Variants in AARS1 observed in about 807,000 individuals in gnomAD.
AARS1 encodes the protein alanine--tRNA ligase, cytoplasmic.
AARS1 carries 72 observed loss-of-function variants against 108.9 expected under a neutral mutation model. The ratio of observed to expected loss-of-function variants is 0.66; its 90% CI spans 0.55 to 0.80. The LOEUF is 0.80. Among genes scored for constraint, AARS1 ranks in the 30% least tolerant of loss-of-function variants. The probability of loss-of-function intolerance (pLI) is 0.00; values close to 1 mark genes in which losing one functional copy is unlikely to be tolerated. For missense variants in AARS1, 1,193 were observed against 1,233.2 expected, an observed-to-expected ratio of 0.97 and a Z score of 0.49; for synonymous variants, 489 against 465.7, an observed-to-expected ratio of 1.05 and a Z score of -0.64.
In AARS1 at chr16:70,255,230, C is replaced by T. The variant is rs1197694981; in HGVS notation, c.2287-496G>A. On this transcript the variant is annotated intron_variant, in intron 16 of 20. Coordinates refer to ENST00000261772, the MANE Select transcript of AARS1 (RefSeq NM_001605.3). ...TTTTTTTTTTTTGGAGACGGAGTCT[C>T]GCCCCGTCACCCAAGCTGGAACGCA... Among the ~76,000 whole-genome samples the T allele has an allele frequency of 7.8e-5, 10 of 127,860 alleles. No homozygotes were observed. In the East Asian group the frequency reaches 2.2e-3, roughly 28 times the overall value. The allele number at this position is 127,860 out of a possible 152,430, so 83.9% of individuals were successfully genotyped here.
intron 1 of AARS1, among the ~76,000 whole-genome samples, chr16:70,286,073 G>A (rs1597450835): frequency 6.6e-6 from 1 of 152,286 alleles, no homozygotes; most frequent in East Asian, 1.9e-4. Context: ...GCAGTATTGT[G>A]TAAAAGGACT....
At chr16:70,270,159 C>T (rs781363265) in intron 6 of AARS1, 37 bp downstream of exon 6, 19 of 1,612,834 alleles carry the variant, frequency 1.2e-5, no homozygotes, top group East Asian at 2.2e-5. Flanking sequence ...CTGGAAAACT[C>T]CACAGAAGTT....
chr16:70,267,274 A>G (rs556500182), intron 9 of AARS1, among the ~76,000 whole-genome samples: 1 of 152,312 alleles, frequency 6.6e-6, no homozygotes, highest in East Asian at 1.9e-4. Flanking sequence ...CCAAATTGCA[A>G]AACAGTACAT....
chr16:70,273,602 C>T (rs1249206120), intron 4 of AARS1, among the ~76,000 whole-genome samples: 1 of 152,030 alleles, frequency 6.6e-6, no homozygotes, highest in Non-Finnish European at 1.5e-5. Flanking sequence ...GTGGCTCACG[C>T]CTGTAATCCC....
At chr16:70,287,756 C>T (rs1227100628) in intron 1 of AARS1, among the ~76,000 whole-genome samples, 2 of 152,006 alleles carry the variant, frequency 1.3e-5, no homozygotes, top group East Asian at 3.9e-4. Context: ...CAACAACAAA[C>T]GTAAAGACAC....
intron 11 of AARS1, among the ~76,000 whole-genome samples, chr16:70,264,555 G>A (rs1960219586): frequency 6.6e-6 from 1 of 151,996 alleles, no homozygotes. Context: ...GACCTTAGGT[G>A]ATCCACCTGC....
Position 70,276,606 on chromosome 16 carries a change from TCC to T in AARS1, c.357_358del (p.Glu120ThrfsTer11). 1 of 1,614,060 alleles carries T rather than the reference TCC, an allele frequency of 6.2e-7. No homozygotes were observed. The highest frequency in any genetic ancestry group is 8.5e-7 in the Non-Finnish European group (1 of 1,180,022). ...AATGCCAAACTCTTGGGTGAGGAGTTCCAGAGCCATCTTACATGCCAATTCCT... is the reference window on the plus strand; with the variant it reads ...AATGCCAAACTCTTGGGTGAGGAGTTAGAGCCATCTTACATGCCAATTCCT... On this transcript the variant is annotated frameshift_variant, in exon 4 of 21. Coordinates refer to ENST00000261772, the MANE Select transcript of AARS1 (RefSeq NM_001605.3). LOFTEE classifies it high-confidence loss of function.
chr16:70,256,638 A>G (rs564434748), intron 15 of AARS1, among the ~76,000 whole-genome samples: 1 of 152,242 alleles, frequency 6.6e-6, no homozygotes, highest in East Asian at 1.9e-4. Flanking sequence ...CCTGTAGTCT[A>G]AAGGGTATGA....
chr16:70,275,127 GC>G (rs1373761021), intron 4 of AARS1, among the ~76,000 whole-genome samples: 2 of 150,554 alleles, frequency 1.3e-5, no homozygotes, highest in African/African-American at 5.0e-5. Flanking sequence ...AGGTGTGGTG[GC>G]GCGCACCTGT....
In AARS1 at chr16:70,254,147, G is replaced by T. The variant is rs1311450175; in HGVS notation, c.2401-109C>A. 7 of 1,449,676 alleles carry T rather than the reference G, an allele frequency of 4.8e-6. No individual in the cohort carries two copies. The East Asian group carries it at 1.6e-4, about 33-fold the overall frequency. The allele number at this position is 1,449,676 out of a possible 1,614,324, so 89.8% of individuals were successfully genotyped here. On this transcript the variant is annotated intron_variant, in intron 17 of 20. Coordinates refer to ENST00000261772, the MANE Select transcript of AARS1 (RefSeq NM_001605.3). ...CCTCCCTGACTAGTGTCCTGGAAAG[G>T]AAAGCAAGGAAAGCTTTGAGACCAG...
Position 70,255,844 on chromosome 16 carries a change from G to T in AARS1, c.2178-8C>A. ...CTCGAGTTCCGCAGGTGCCTGAATG[G>T]CAGAACACAAAGTCCATAGTGAAAG... is the stretch of plus-strand genomic sequence containing the variant. On this transcript the variant is annotated splice_polypyrimidine_tract_variant and splice_region_variant and intron_variant, in intron 15 of 20. Coordinates refer to ENST00000261772, the MANE Select transcript of AARS1 (RefSeq NM_001605.3). 1 of 1,610,892 alleles carries T rather than the reference G, an allele frequency of 6.2e-7. No individual in the cohort carries two copies. The highest frequency in any genetic ancestry group is 8.5e-7 in the Non-Finnish European group (1 of 1,178,492).
intron 1 of AARS1, among the ~76,000 whole-genome samples, chr16:70,287,124 G>C (rs775200): frequency 1.3e-5 from 2 of 151,476 alleles, no homozygotes; most frequent in African/African-American, 2.4e-5. Context: ...GGTAGCGGGC[G>C]CCTGTAGTCC....
At position 70,253,776 on chromosome 16, in the gene AARS1, T is replaced by C. The variant is rs1444813425; in HGVS notation, c.2545A>G (p.Ile849Val). The change falls in exon 19 of 21, where the codon ATC (isoleucine) becomes GTC (valine). Residue 849 changes from isoleucine (I) to valine (V), a missense_variant. Ile to Val is a conservative substitution (Grantham distance 29, BLOSUM62 3). Coordinates refer to ENST00000261772, the MANE Select transcript of AARS1 (RefSeq NM_001605.3). ...AGAGGCTGGTTGGGGTTGCTGTCGA[T>C]GAACTGCTTCGTCTTCTCTAACACC... is the stretch of plus-strand genomic sequence containing the variant. ...KRVLEKTKQF[I>V]DSNPNQPLVI... is the part of the protein sequence containing the mutation. 6.2e-7 allele frequency: 1 copy of C among 1,614,072 alleles called. No homozygotes were observed. Among genetic ancestry groups the C allele is most frequent in the African/African-American group, 1.3e-5 (1 of 74,938 alleles).
intron 11 of AARS1, among the ~76,000 whole-genome samples, chr16:70,263,585 G>T (rs1457474744): frequency 6.6e-6 from 1 of 150,676 alleles, no homozygotes; most frequent in African/African-American, 2.4e-5. Flanking sequence ...AAAAAAAAAA[G>T]ATTGTTCTCT....
At chr16:70,283,194 C>G (rs1276635541) in intron 1 of AARS1, among the ~76,000 whole-genome samples, 1 of 152,036 alleles carries the variant, frequency 6.6e-6, no homozygotes, top group African/African-American at 2.4e-5. Context: ...GTCAGGAGTT[C>G]AAGACCAGCC....
intron 1 of AARS1, among the ~76,000 whole-genome samples, chr16:70,288,644 GC>G (rs1960935914): frequency 6.9e-6 from 1 of 145,408 alleles, no homozygotes; most frequent in Non-Finnish European, 1.5e-5. Context: ...TCAGCTCACT[GC>G]AACCTCCGCC....
rs200578293 is a variant in AARS1, at chr16:70,262,472, G to T, written c.1545C>A (p.Phe515Leu). ...TVMALRREKMFVEEVSTGQEC... is the reference protein window; with the variant it reads ...TVMALRREKMLVEEVSTGQEC... ...CCTGGCCTGTGGACACCTCTTCCAC[G>T]AACATCTTCTCCCTGCGCAGAGCCA... is the stretch of plus-strand genomic sequence containing the variant. Residue 515 changes from phenylalanine (F) to leucine (L), a missense_variant, in exon 12 of 21, where the codon TTC (phenylalanine) becomes TTA (leucine). By Grantham distance (22) the Phe-to-Leu change is conservative (BLOSUM62 0). Transcript: ENST00000261772. 2.6e-5 allele frequency: 42 copies of T among 1,614,016 alleles called. No homozygotes were observed. Among genetic ancestry groups the T allele is most frequent in the Non-Finnish European group, 3.5e-5 (41 of 1,180,036 alleles).
At position 70,265,675 on chromosome 16, in the gene AARS1, A is replaced by G. The variant is rs1960244603; in HGVS notation, c.1223-13T>C. On this transcript the variant is annotated splice_polypyrimidine_tract_variant and intron_variant, in intron 9 of 20. Transcript: ENST00000261772. ...CAAGCAGTGTCTCCTACACAGCACA[A>G]AGGAGGTGTGTCAAAAAAAACAGAC... is the stretch of plus-strand genomic sequence containing the variant. 6.2e-7 allele frequency: 1 copy of G among 1,612,408 alleles called. No individual in the cohort carries two copies. Among genetic ancestry groups the G allele is most frequent in the Non-Finnish European group, 8.5e-7 (1 of 1,179,112 alleles).
At chr16:70,257,465 A>T (rs1960019348) in intron 15 of AARS1, among the ~76,000 whole-genome samples, 1 of 152,164 alleles carries the variant, frequency 6.6e-6, no homozygotes, top group African/African-American at 2.4e-5. Flanking sequence ...CTTCATTTGG[A>T]AGCAGAAACT....
Sources: gnomAD v4.1 joint callset for allele counts (sites outside exome capture counted in the v4.1 genomes callset) on GRCh38, gnomAD v4.1.1 for gene constraint, MANE v1.5 for transcripts, NCBI Gene and HGNC (gene_info 2026-07-23, HGNC 2026-07-21) for gene names.